Variants in MCHR2 observed in about 807,000 individuals in gnomAD.
MCHR2 encodes the protein melanin-concentrating hormone receptor 2.
MCHR2 carries 15 observed loss-of-function variants against 24.8 expected under a neutral mutation model. That is an observed-to-expected ratio of 0.60 (90% CI 0.40 to 0.93). The LOEUF is 0.93. Among genes scored for constraint, MCHR2 ranks in the 40% least tolerant of loss-of-function variants. The pLI, the probability that MCHR2 is intolerant of heterozygous loss-of-function variation, is 0.00. For missense variants in MCHR2, 386 were observed against 408.7 expected (o/e 0.94, Z 0.48); for synonymous variants, 151 against 147.6 (o/e 1.02, Z -0.17).
At chr6:99,975,169 G>C (rs1232627858) in intron 1 of MCHR2, among the ~76,000 whole-genome samples, 1 of 152,186 alleles carries the variant, frequency 6.6e-6, no homozygotes, top group East Asian at 1.9e-4. Flanking sequence ...CCTTCCCCTA[G>C]AGGTGGAGCC....
At chr6:99,932,308 T>C (rs921161685) in intron 5 of MCHR2, among the ~76,000 whole-genome samples, 5 of 152,140 alleles carry the variant, frequency 3.3e-5, no homozygotes, top group Non-Finnish European at 2.9e-5. Flanking sequence ...ATAAATAATA[T>C]TGAATAAAAT....
intron 2 of MCHR2, among the ~76,000 whole-genome samples, chr6:99,950,036 C>G (rs555060672): frequency 8.0e-4 from 121 of 152,124 alleles, no homozygotes; most frequent in Middle Eastern, 3.4e-3. Context: ...ATCCATGGCC[C>G]TTGCTTTTCT....
At chr6:99,985,028 A>C (rs2114594065) in intron 1 of MCHR2, among the ~76,000 whole-genome samples, 1 of 152,268 alleles carries the variant, frequency 6.6e-6, no homozygotes, top group African/African-American at 2.4e-5. Context: ...TTTTATACAA[A>C]TAATGATCAA....
chr6:99,975,214 G>T (rs1416033769), intron 1 of MCHR2, among the ~76,000 whole-genome samples: 4 of 152,190 alleles, frequency 2.6e-5, no homozygotes, highest in Non-Finnish European at 5.9e-5. Flanking sequence ...AGCTGTGGTG[G>T]GCTCCACCCA....
rs529913008 is a variant in MCHR2 at position 99,968,514 on chromosome 6, G to C, written c.-27-12340C>G. On this transcript the variant is annotated intron_variant, in intron 1 of 5. Transcript: ENST00000281806. Reference sequence around the variant, plus strand: ...ACATATCTCTAAGTGACATGGAGAAGCTAGACAGAAAAGACTAATGGAGTT... The same window carrying C: ...ACATATCTCTAAGTGACATGGAGAACCTAGACAGAAAAGACTAATGGAGTT... 3.3e-5 allele frequency among the ~76,000 whole-genome samples: 5 copies of C among 152,262 alleles called. No individual in the cohort carries two copies. The East Asian group carries it at 9.6e-4, about 29-fold the overall frequency.
chr6:99,973,184 T>A (rs369440605), intron 1 of MCHR2, among the ~76,000 whole-genome samples: 5 of 151,678 alleles, frequency 3.3e-5, no homozygotes, highest in South Asian at 2.1e-4. Context: ...CCCATTATTA[T>A]TGTGTGGGAG....
At chr6:99,930,254 C>T (rs1252034473) in intron 5 of MCHR2, among the ~76,000 whole-genome samples, 14 of 152,162 alleles carry the variant, frequency 9.2e-5, no homozygotes, top group East Asian at 7.7e-4. Flanking sequence ...CGACCTTTCT[C>T]TCTGGCTGCC....
At chr6:99,938,853 A>G (rs559944172) in intron 4 of MCHR2, among the ~76,000 whole-genome samples, 1 of 152,196 alleles carries the variant, frequency 6.6e-6, no homozygotes, top group Non-Finnish European at 1.5e-5. Context: ...TGTTTGCTCT[A>G]TATATTTGGG....
Position 99,920,536 on chromosome 6 carries a change from T to G in MCHR2, c.*404A>C, listed in dbSNP as rs1045895067. ...AAAATAGCCAAATTTTAGACTTCAC[T>G]CTAAGGTGATACCCTCCTAGGAACC... On this transcript the variant is annotated 3_prime_UTR_variant, in exon 6 of 6. Coordinates refer to ENST00000281806, the MANE Select transcript of MCHR2 (RefSeq NM_001040179.2). 5.5e-6 allele frequency: 1 copy of G among 180,678 alleles called. No homozygotes were observed. The highest frequency in any genetic ancestry group is 2.4e-5 in the African/African-American group (1 of 42,354). The allele number at this position is 180,678 out of a possible 1,614,324, so 11.2% of individuals were successfully genotyped here.
At chr6:99,983,980 C>T (rs1775721129) in intron 1 of MCHR2, among the ~76,000 whole-genome samples, 2 of 152,058 alleles carry the variant, frequency 1.3e-5, no homozygotes, top group South Asian at 4.1e-4. Context: ...CAAGGGGCTT[C>T]TGATTAGGTA....
chr6:99,955,324 A>C (rs568298479), intron 2 of MCHR2, among the ~76,000 whole-genome samples: 2 of 152,220 alleles, frequency 1.3e-5, no homozygotes, highest in South Asian at 2.1e-4. Context: ...TCTACTTGAG[A>C]GGAGGAAATT....
intron 1 of MCHR2, among the ~76,000 whole-genome samples, chr6:99,986,778 T>G (rs1367392615): frequency 1.3e-5 from 2 of 151,554 alleles, no homozygotes; most frequent in Non-Finnish European, 2.9e-5. Context: ...CACTATGAAA[T>G]ATATCCATGT....
intron 2 of MCHR2, 125 bp from the exon 3 acceptor site, chr6:99,948,096 A>G (rs1774907919): frequency 2.7e-6 from 2 of 747,388 alleles, no homozygotes; most frequent in Non-Finnish European, 4.3e-6. Context: ...ACCTATACAG[A>G]TGCATAGAGG....
intron 4 of MCHR2, 137 bp from the exon 5 acceptor site, chr6:99,934,654 A>T: frequency 1.4e-6 from 1 of 734,562 alleles, no homozygotes; most frequent in Non-Finnish European, 2.0e-6. Context: ...CTTGTGGAAA[A>T]GCTCAAGATC....
intron 1 of MCHR2, among the ~76,000 whole-genome samples, chr6:99,960,207 C>A (rs913797917): frequency 6.6e-6 from 1 of 151,986 alleles, no homozygotes; most frequent in African/African-American, 2.4e-5. Flanking sequence ...AAGAAAAAAA[C>A]TGTCAACCAA....
At chr6:99,937,843 C>A (rs1442170332) in intron 4 of MCHR2, among the ~76,000 whole-genome samples, 3 of 151,246 alleles carry the variant, frequency 2.0e-5, no homozygotes, top group African/African-American at 4.9e-5. Flanking sequence ...CTGGACTTTC[C>A]TTTGATGAAA....
rs1325201973 is a variant in MCHR2 at position 99,920,964 on chromosome 6, T to C, written c.999A>G (p.Gly333=). Residue 333 remains glycine, a synonymous_variant, in exon 6 of 6, where the codon GGA becomes GGG. Coordinates refer to ENST00000281806, the MANE Select transcript of MCHR2 (RefSeq NM_001040179.2). ...RATEKEINNM[G]NTLKSHF ...CCTAAAAGTGTGATTTCAGAGTGTT[T>C]CCCATATTGTTGATTTCCTTCTCAG... The C allele has an allele frequency of 5.6e-6, 9 of 1,614,176 alleles. No homozygotes were observed. In the South Asian group the frequency reaches 7.7e-5, roughly 14 times the overall value.
At chr6:99,949,375 G>T (rs1353166995) in intron 2 of MCHR2, among the ~76,000 whole-genome samples, 1 of 152,144 alleles carries the variant, frequency 6.6e-6, no homozygotes, top group East Asian at 1.9e-4. Flanking sequence ...GTCAAGACAG[G>T]TTTATTGGCA....
intron 4 of MCHR2, among the ~76,000 whole-genome samples, chr6:99,935,002 T>A (rs4565313): frequency 0.19 from 28,258 of 151,862 alleles, 2,826 homozygotes; most frequent in African/African-American, 0.24. Context: ...GAGGTAAAAT[T>A]TGAACCCAGG....
Sources: gnomAD v4.1 joint callset for allele counts (sites outside exome capture counted in the v4.1 genomes callset) on GRCh38, gnomAD v4.1.1 for gene constraint, MANE v1.5 for transcripts, NCBI Gene and HGNC (gene_info 2026-07-23, HGNC 2026-07-21) for gene names.